The following CGAS variants were observed in gnomAD, a reference collection of about 807,000 sequenced individuals.
CGAS encodes cyclic GMP-AMP synthase, also known as 2'3'-cGAMP synthase.
CGAS carries 31 observed loss-of-function variants against 34.0 expected under a neutral mutation model. The observed-to-expected ratio is 0.91, with a 90% CI of 0.69 to 1.23. CGAS has a LOEUF of 1.23. CGAS is among the 50% of genes most tolerant of loss of function. The probability of loss-of-function intolerance (pLI) is 0.00; values close to 1 mark genes in which losing one functional copy is unlikely to be tolerated. For missense variants in CGAS, 597 were observed against 657.6 expected (o/e 0.91, Z 1.01); for synonymous variants, 266 against 260.0 (o/e 1.02, Z -0.22).
chr6:73,425,301 T>G lies in CGAS; in HGVS notation c.1495A>C (p.Arg499=). ...TGCTTTGTCAGAAATTCCTTACTTC[T>G]TTTGTCAATTAAGTTGCTAGAGAAT... The part of the protein sequence containing the change: ...NLFSSNLIDK[R]SKEFLTKQIE... The change falls in exon 5 of 5, where the codon AGA becomes CGA. Residue 499 remains arginine, a synonymous_variant. Coordinates refer to ENST00000370315, the MANE Select transcript of CGAS (RefSeq NM_138441.3). 6.2e-7 allele frequency: 1 copy of G among 1,603,122 alleles called. No homozygotes were observed. The highest frequency in any genetic ancestry group is 8.5e-7 in the Non-Finnish European group (1 of 1,177,388).
chr6:73,443,840 A>G (rs1770424467), intron 2 of CGAS, among the ~76,000 whole-genome samples: 1 of 152,180 alleles, frequency 6.6e-6, no homozygotes, highest in Non-Finnish European at 1.5e-5. Flanking sequence ...GGGGTGGTGG[A>G]GCCAAGCCCT....
chr6:73,445,879 T>C (rs1770460608), intron 1 of CGAS, 132 bp from the exon 2 acceptor site: 1 of 630,756 alleles, frequency 1.6e-6, no homozygotes, highest in Non-Finnish European at 2.7e-6. Flanking sequence ...ATATACCCTC[T>C]GGGAGTGGGA....
chr6:73,437,397 A>C (rs2150812724), intron 3 of CGAS, among the ~76,000 whole-genome samples: 1 of 152,294 alleles, frequency 6.6e-6, no homozygotes, highest in African/African-American at 2.4e-5. Context: ...TAATGAAACA[A>C]GTTAATTTAC....
chr6:73,444,865 G>C (rs569592301), intron 2 of CGAS, among the ~76,000 whole-genome samples: 12 of 152,256 alleles, frequency 7.9e-5, no homozygotes, highest in East Asian at 5.8e-4. Flanking sequence ...TTAAGCGTAG[G>C]GGGTAACAGA....
intron 1 of CGAS, among the ~76,000 whole-genome samples, chr6:73,451,062 G>T (rs1001060376): frequency 6.6e-6 from 1 of 151,918 alleles, no homozygotes; most frequent in African/African-American, 2.4e-5. Context: ...AGCAGGAGAG[G>T]GGGCAGGGAG....
At position 73,445,821 on chromosome 6, in the gene CGAS, A is replaced by T. The variant is rs1008448863; in HGVS notation, c.658-74T>A. ...CCAAGTGACTGGAACTTTTTAAAAA[A>T]TTTCCACTTAAAACTTTACTTTAAA... On this transcript the variant is annotated intron_variant, in intron 1 of 4. Coordinates refer to ENST00000370315, the MANE Select transcript of CGAS (RefSeq NM_138441.3). 3.5e-6 allele frequency: 4 copies of T among 1,139,942 alleles called. No homozygotes were observed. In the Admixed American group the frequency reaches 8.1e-5, roughly 23 times the overall value. 70.6% of individuals were successfully genotyped at this position (1,139,942 alleles called of 1,614,324 possible).
rs141246250 is a variant in CGAS at position 73,430,198 on chromosome 6, A to G, written c.1115-1387T>C. On this transcript the variant is annotated intron_variant, in intron 3 of 4. Transcript: ENST00000370315. ...TCAGAAAGAAGGCAAAACATCTGCT[A>G]TCTCTATTTCTGTTCAACATGCACT... Among the ~76,000 whole-genome samples the G allele has an allele frequency of 3.0e-3, 455 of 152,294 alleles. 2 individuals are homozygous for G. Among genetic ancestry groups the G allele is most frequent in the African/African-American group, 0.01 (431 of 41,574 alleles).
At position 73,445,523 on chromosome 6, in the gene CGAS, C is replaced by T; in HGVS notation, c.877+5G>A. ...CCTTTAAGAATCAAAAGGCAAAAGTCTTACCTTTAATGTCGTTAATTTCTT... is the reference window on the plus strand; with the variant it reads ...CCTTTAAGAATCAAAAGGCAAAAGTTTTACCTTTAATGTCGTTAATTTCTT... On this transcript the variant is annotated splice_donor_5th_base_variant and intron_variant, in intron 2 of 4. Coordinates refer to ENST00000370315, the MANE Select transcript of CGAS (RefSeq NM_138441.3). 1 of 1,584,756 alleles carries T rather than the reference C, an allele frequency of 6.3e-7. No homozygotes were observed. The highest frequency in any genetic ancestry group is 1.1e-5 in the South Asian group (1 of 87,140).
chr6:73,440,036 C>A, intron 3 of CGAS, 173 bp downstream of exon 3: 1 of 582,382 alleles, frequency 1.7e-6, no homozygotes, highest in Non-Finnish European at 3.0e-6. Flanking sequence ...ATTAATACTA[C>A]AACTTTGCCC....
chr6:73,428,065 T>A (rs1770118796), intron 4 of CGAS, among the ~76,000 whole-genome samples: 1 of 152,026 alleles, frequency 6.6e-6, no homozygotes, highest in African/African-American at 2.4e-5. Context: ...CTACAAAATT[T>A]TTTTTTAAAT....
At chr6:73,443,781 T>G (rs1472403094) in intron 2 of CGAS, among the ~76,000 whole-genome samples, 1 of 152,042 alleles carries the variant, frequency 6.6e-6, no homozygotes, top group Non-Finnish European at 1.5e-5. Context: ...TTGCAGTGAG[T>G]GCTCTGAAGG....
At chr6:73,450,401 G>T (rs369112895) in intron 1 of CGAS, among the ~76,000 whole-genome samples, 218 of 146,984 alleles carry the variant, frequency 1.5e-3, no homozygotes, top group African/African-American at 5.3e-3. Flanking sequence ...GGTAACAAGA[G>T]CGAAACTCCG....
At chr6:73,442,415 T>A (rs1770393382) in intron 2 of CGAS, among the ~76,000 whole-genome samples, 1 of 151,430 alleles carries the variant, frequency 6.6e-6, no homozygotes, top group African/African-American at 2.4e-5. Flanking sequence ...TTTTTTTTTT[T>A]TTTGAGACAG....
In CGAS at chr6:73,424,270, T is replaced by TA. The variant is rs1770046756; in HGVS notation, c.*956dup. On this transcript the variant is annotated 3_prime_UTR_variant, in exon 5 of 5. Coordinates refer to ENST00000370315, the MANE Select transcript of CGAS (RefSeq NM_138441.3). ...TAACATGGTGAAACCCCATCTTTAC[T>TA]AAAAATACAAAAAATTAGCCGGATG... 1 of 151,998 alleles carries TA rather than the reference T, an allele frequency of 6.6e-6. No homozygotes were observed. The highest frequency in any genetic ancestry group is 2.4e-5 in the African/African-American group (1 of 41,334). 9.4% of individuals were successfully genotyped at this position (151,998 alleles called of 1,614,324 possible). A position where few individuals can be genotyped will look rare whatever the true frequency, so the allele number is the denominator to read the frequency against.
intron 3 of CGAS, among the ~76,000 whole-genome samples, chr6:73,434,906 C>T (rs1314038512): frequency 1.3e-5 from 2 of 152,028 alleles, no homozygotes; most frequent in Non-Finnish European, 2.9e-5. Context: ...CCTCGGCCTC[C>T]CAAAGTGCTG....
rs1188740658 is a variant in CGAS, at chr6:73,451,847, T to A, written c.335A>T (p.Glu112Val). 2 of 1,549,956 alleles carry A rather than the reference T, an allele frequency of 1.3e-6. No individual in the cohort carries two copies. The highest frequency in any genetic ancestry group is 1.7e-6 in the Non-Finnish European group (2 of 1,147,322). Residue 112 changes from glutamate to valine, a missense_variant, in exon 1 of 5, where the codon GAG becomes GTG. Glu to Val is a moderately radical substitution (Grantham distance 121). Around this residue, in one of 3 missense-constraint regions of CGAS, gnomAD observed 321 missense variants for 314.3 expected, o/e 1.02. Coordinates refer to ENST00000370315, the MANE Select transcript of CGAS (RefSeq NM_138441.3). ...AGAACCAGCCCTGGAAAGAGCCGGCTCCCGAGCCGCAGGAGGCTCCAGCCC... is the reference window on the plus strand; with the variant it reads ...AGAACCAGCCCTGGAAAGAGCCGGCACCCGAGCCGCAGGAGGCTCCAGCCC... The part of the protein sequence containing the change: ...AEGLEPPAAR[E>V]PALSRAGSCR...
chr6:73,428,733 T>A lies in CGAS; in HGVS notation c.1193A>T (p.Glu398Val). 6.2e-7 allele frequency: 1 copy of A among 1,613,788 alleles called. No homozygotes were observed. Among genetic ancestry groups the A allele is most frequent in the Non-Finnish European group, 8.5e-7 (1 of 1,179,906 alleles). Reference protein sequence around the residue: ...NNHGKSKTCCENKEEKCCRKD... With the variant: ...NNHGKSKTCCVNKEEKCCRKD... ...CCTGCAACATTTCTCTTCTTTGTTTTCACAGCACGTTTTAGATTTTCCATG... is the reference window on the plus strand; with the variant it reads ...CCTGCAACATTTCTCTTCTTTGTTTACACAGCACGTTTTAGATTTTCCATG... The change falls in exon 4 of 5, where the codon GAA (glutamate) becomes GTA (valine). Residue 398 changes from glutamate (E) to valine (V), a missense_variant. Physicochemically the swap from Glu to Val is moderately radical, Grantham distance 121 (BLOSUM62 -2). Coordinates refer to ENST00000370315, the MANE Select transcript of CGAS (RefSeq NM_138441.3).
chr6:73,443,038 C>T (rs140110396), intron 2 of CGAS, among the ~76,000 whole-genome samples: 4 of 151,922 alleles, frequency 2.6e-5, no homozygotes, highest in African/African-American at 7.2e-5. Flanking sequence ...TCTAGAGTGG[C>T]CTACACATGT....
intron 3 of CGAS, among the ~76,000 whole-genome samples, chr6:73,430,348 A>G (rs1770173926): frequency 6.6e-6 from 1 of 152,094 alleles, no homozygotes; most frequent in East Asian, 1.9e-4. Flanking sequence ...AGAATCTACA[A>G]TGCTGGGCAT....
Sources: gnomAD v4.1 joint callset for allele counts (sites outside exome capture counted in the v4.1 genomes callset) on GRCh38, gnomAD v4.1.1 for gene constraint, gnomAD v4.1.1 regional missense constraint, MANE v1.5 for transcripts, NCBI Gene and HGNC (gene_info 2026-07-23, HGNC 2026-07-21) for gene names.